COL7A1: variants seen among roughly 807,000 people sequenced by gnomAD.
COL7A1 encodes the protein collagen type VII alpha 1 chain.
COL7A1 carries 296 observed loss-of-function variants against 456.2 expected under a neutral mutation model. The observed-to-expected ratio is 0.65, with a 90% CI of 0.59 to 0.71. The LOEUF (loss-of-function observed/expected upper bound fraction) is 0.71, where lower values mean the gene tolerates loss of function less well. Among genes scored for constraint, COL7A1 ranks in the 30% least tolerant of loss-of-function variants. The probability of loss-of-function intolerance (pLI) is 0.00; values close to 1 mark genes in which losing one functional copy is unlikely to be tolerated. For synonymous variants in COL7A1, 1,464 were observed against 1,525.9 expected, an observed-to-expected ratio of 0.96 and a Z score of 0.95; for missense variants, 3,441 against 4,017.2, an observed-to-expected ratio of 0.86 and a Z score of 3.88.
Position 48,590,140 on chromosome 3 carries a change from T to C in COL7A1, c.2050+73A>G. On this transcript the variant is annotated intron_variant, in intron 16 of 118. Transcript: ENST00000681320. The surrounding 1 kb of genome is among the most constrained non-coding windows in gnomAD (Gnocchi z 4.6). ...CAGGAGTTCTGGGGAGAAGCAAGGGTCTGCAAGGGAAGGCATGGGGGTCTG... is the reference window on the plus strand; with the variant it reads ...CAGGAGTTCTGGGGAGAAGCAAGGGCCTGCAAGGGAAGGCATGGGGGTCTG... 1 of 1,547,038 alleles carries C rather than the reference T, an allele frequency of 6.5e-7. No homozygotes were observed. The highest frequency in any genetic ancestry group is 1.7e-5 in the Admixed American group (1 of 58,428).
rs2107700644 is a variant in COL7A1 at position 48,579,743 on chromosome 3, GC to G, written c.5154+41del. 1 of 1,613,926 alleles carries G rather than the reference GC, an allele frequency of 6.2e-7. No individual in the cohort carries two copies. Among genetic ancestry groups the G allele is most frequent in the East Asian group, 2.2e-5 (1 of 44,868 alleles). ...CCCAAGGTAGAACCTGCTGGGAGGG[GC>G]ACTGGGGTCTTTCTTACCCTCCACC... On this transcript the variant is annotated intron_variant, in intron 58 of 118. Transcript: ENST00000681320. The surrounding 1 kb of genome is among the most constrained non-coding windows in gnomAD (Gnocchi z 4.4).
chr3:48,578,977 T>C lies in COL7A1; in HGVS notation c.5389-23A>G, dbSNP rs1201464574. ...ACCCTGAGGAGAGACTCAAAGTCAG[T>C]TCATCATGGTCATGGGGTCAGGGGC... On this transcript the variant is annotated intron_variant, in intron 62 of 118. Transcript: ENST00000681320. This position sits in a 1 kb window ranked among gnomAD's most constrained non-coding sequence, Gnocchi z 4.7. 1 of 1,613,916 alleles carries C rather than the reference T, an allele frequency of 6.2e-7. No individual in the cohort carries two copies.
At position 48,592,302 on chromosome 3, in the gene COL7A1, G is replaced by A. The variant is rs779060834; in HGVS notation, c.1093+49C>T. On this transcript the variant is annotated intron_variant, in intron 9 of 118. Coordinates refer to ENST00000681320, the MANE Select transcript of COL7A1 (RefSeq NM_000094.4). The surrounding 1 kb of genome is among the most constrained non-coding windows in gnomAD (Gnocchi z 7.6). ...GGCCTTGCAGACTCAGGACTCTACA[G>A]CCTTGTCTGAGGCGCGGGGACTCCC... 14 of 1,613,578 alleles carry A rather than the reference G, an allele frequency of 8.7e-6. No homozygotes were observed. In the South Asian group the frequency reaches 1.1e-4, roughly 13 times the overall value.
In COL7A1 at chr3:48,573,947, A is replaced by G; in HGVS notation, c.6502-57T>C. The G allele has an allele frequency of 6.2e-7, 1 of 1,604,438 alleles. No individual in the cohort carries two copies. The highest frequency in any genetic ancestry group is 8.5e-7 in the Non-Finnish European group (1 of 1,175,446). ...CTGGGCCTCACTTGGGCCTGTTCCC[A>G]ACCTCTGGGGGCTTTTTCCTTGGGG... On this transcript the variant is annotated intron_variant, in intron 80 of 118. Transcript: ENST00000681320. The surrounding 1 kb of genome is among the most constrained non-coding windows in gnomAD (Gnocchi z 5.5).
chr3:48,592,994 G>GCAGGGGTGGGCATGTATGATT lies in COL7A1; in HGVS notation c.683-57_683-56insAATCATACATGCCCACCCCTG. 6.2e-7 allele frequency: 1 copy of GCAGGGGTGGGCATGTATGATT among 1,612,432 alleles called. No homozygotes were observed. On this transcript the variant is annotated intron_variant, in intron 6 of 118. Transcript: ENST00000681320. This position sits in a 1 kb window ranked among gnomAD's most constrained non-coding sequence, Gnocchi z 7.6. The stretch of plus-strand genomic sequence containing the variant: ...GAGGATTGGGGTGGGCATGTATGAT[G>GCAGGGGTGGGCATGTATGATT]CAGAGTTGGGGTCGGGGTCAGGAGC...
In COL7A1 at chr3:48,594,562, G is replaced by A. The variant is rs769163951; in HGVS notation, c.86-14C>T. On this transcript the variant is annotated splice_polypyrimidine_tract_variant and intron_variant, in intron 2 of 118. Coordinates refer to ENST00000681320, the MANE Select transcript of COL7A1 (RefSeq NM_000094.4). This position sits in a 1 kb window ranked among gnomAD's most constrained non-coding sequence, Gnocchi z 5.5. ...GCGTGCAGGTCACTGGGGCGGGCAG[G>A]AGAGATCAGGGCCTCTTCTGGGAGG... 6.4e-7 allele frequency: 1 copy of A among 1,568,122 alleles called. No individual in the cohort carries two copies.
chr3:48,573,896 T>C lies in COL7A1; in HGVS notation c.6502-6A>G, dbSNP rs1575434977. ...CCTCTTGGACCCTGCAGACCCTACA[T>C]AGAGAGGGCACTGATGAGCCTCAAT... On this transcript the variant is annotated splice_polypyrimidine_tract_variant and splice_region_variant and intron_variant, in intron 80 of 118. Transcript: ENST00000681320. The surrounding 1 kb of genome is among the most constrained non-coding windows in gnomAD (Gnocchi z 5.5). 1 of 1,613,204 alleles carries C rather than the reference T, an allele frequency of 6.2e-7. No individual in the cohort carries two copies. The highest frequency in any genetic ancestry group is 8.5e-7 in the Non-Finnish European group (1 of 1,179,932).
In COL7A1 at chr3:48,576,391, G is replaced by A. The variant is rs927732931; in HGVS notation, c.5772+9C>T. The A allele has an allele frequency of 6.2e-7, 1 of 1,613,720 alleles. No individual in the cohort carries two copies. The highest frequency in any genetic ancestry group is 8.5e-7 in the Non-Finnish European group (1 of 1,180,004). On this transcript the variant is annotated intron_variant, in intron 70 of 118. Coordinates refer to ENST00000681320, the MANE Select transcript of COL7A1 (RefSeq NM_000094.4). ...CTACCTGGGCATGTGGAAAAGGTGG[G>A]GGCCTCACCTGCTCCCCTTTGGATC... is the stretch of plus-strand genomic sequence containing the variant.
rs2043650663 is a variant in COL7A1 at position 48,567,298 on chromosome 3, C to T, written c.8047-108G>A. ...GGCCTAATGCCCAAACCTTCTGTAA[C>T]CCAAGCACCTGTGAGCCAACCAGAT... On this transcript the variant is annotated intron_variant, in intron 109 of 118. Coordinates refer to ENST00000681320, the MANE Select transcript of COL7A1 (RefSeq NM_000094.4). This position sits in a 1 kb window ranked among gnomAD's most constrained non-coding sequence, Gnocchi z 4.3. The T allele has an allele frequency of 1.4e-6, 2 of 1,415,500 alleles. No homozygotes were observed. Among genetic ancestry groups the T allele is most frequent in the East Asian group, 2.3e-5 (1 of 43,606 alleles). The allele number at this position is 1,415,500 out of a possible 1,614,324, so 87.7% of individuals were successfully genotyped here. A position where few individuals can be genotyped will look rare whatever the true frequency, so the allele number is the denominator to read the frequency against.
Position 48,585,047 on chromosome 3 carries a change from G to C in COL7A1, c.3964C>G (p.Pro1322Ala), listed in dbSNP as rs2045138139. The C allele has an allele frequency of 6.2e-7, 1 of 1,613,066 alleles. No homozygotes were observed. Among genetic ancestry groups the C allele is most frequent in the East Asian group, 2.2e-5 (1 of 44,868 alleles). The change falls in exon 33 of 119, where the codon CCT becomes GCT. Residue 1322 changes from proline to alanine, a missense_variant. Pro to Ala is a conservative substitution (Grantham distance 27). This residue lies in a region of COL7A1 where 2,084 missense variants were observed against 2,501.3 expected (regional missense o/e 0.83). Transcript: ENST00000681320. This position sits in a 1 kb window ranked among gnomAD's most constrained non-coding sequence, Gnocchi z 4.5. The part of the protein sequence containing the change: ...RAGNPGTPGA[P>A]GLKGSPGLPG... ...CAAGGCTTGCTCACCTTTAGGCCAGGGGCTCCAGGGGTCCCAGGATTCCCG... is the reference window on the plus strand; with the variant it reads ...CAAGGCTTGCTCACCTTTAGGCCAGCGGCTCCAGGGGTCCCAGGATTCCCG...
chr3:48,580,506 G>A lies in COL7A1; in HGVS notation c.5052+75C>T, dbSNP rs2044668914. On this transcript the variant is annotated intron_variant, in intron 55 of 118. Coordinates refer to ENST00000681320, the MANE Select transcript of COL7A1 (RefSeq NM_000094.4). This position sits in a 1 kb window ranked among gnomAD's most constrained non-coding sequence, Gnocchi z 4.5. ...GAGGGTTTAGCATTACAGGGTTGGG[G>A]GGTAGGATCAGGTATTGGGAATTGG... 1 of 1,539,144 alleles carries A rather than the reference G, an allele frequency of 6.5e-7. No individual in the cohort carries two copies. Among genetic ancestry groups the A allele is most frequent in the Non-Finnish European group, 8.9e-7 (1 of 1,118,510 alleles).
At position 48,592,916 on chromosome 3, in the gene COL7A1, T is replaced by C. The variant is rs766659965; in HGVS notation, c.705A>G (p.Pro235=). The C allele has an allele frequency of 1.2e-6, 2 of 1,613,892 alleles. No individual in the cohort carries two copies. Among genetic ancestry groups the C allele is most frequent in the Non-Finnish European group, 8.5e-7 (1 of 1,179,996 alleles). ...TTGGCTCAGACAGCACCAGGTCTCG[T>C]GGAGCAGAGGTCGAGTCATCCGCTG... ...TRPPDDSTSA[P]RDLVLSEPSS... Residue 235 remains proline (P), a synonymous_variant, in exon 7 of 119, where the codon CCA becomes CCG. Coordinates refer to ENST00000681320, the MANE Select transcript of COL7A1 (RefSeq NM_000094.4). The surrounding 1 kb of genome is among the most constrained non-coding windows in gnomAD (Gnocchi z 7.6).
At position 48,571,282 on chromosome 3, in the gene COL7A1, A is replaced by C; in HGVS notation, c.7069-4T>G. 1 of 1,614,170 alleles carries C rather than the reference A, an allele frequency of 6.2e-7. No individual in the cohort carries two copies. The highest frequency in any genetic ancestry group is 8.5e-7 in the Non-Finnish European group (1 of 1,180,030). ...GTCCTGGAGCCCCTTTCTGACCCTA[A>C]GAAAACCCAGCAAACAGCATTTGAG... is the stretch of plus-strand genomic sequence containing the variant. On this transcript the variant is annotated splice_region_variant and splice_polypyrimidine_tract_variant and intron_variant, in intron 92 of 118. Transcript: ENST00000681320. The surrounding 1 kb of genome is among the most constrained non-coding windows in gnomAD (Gnocchi z 4.6).
chr3:48,593,373 AC>A lies in COL7A1; in HGVS notation c.502del (p.Val168SerfsTer16), dbSNP rs1301235105. 1.2e-6 allele frequency: 2 copies of A among 1,613,490 alleles called. No individual in the cohort carries two copies. The highest frequency in any genetic ancestry group is 1.7e-6 in the Non-Finnish European group (2 of 1,179,910). ...GTCCTTACCCACAGCAAATAGCTTG[AC>A]CCCCTGCCCCTTCAGCCTTTGGGCA... is the stretch of plus-strand genomic sequence containing the variant. ...TAAQRLKGQG[V>X]KLFAVGIKNA... On this transcript the variant is annotated frameshift_variant, in exon 5 of 119. Coordinates refer to ENST00000681320, the MANE Select transcript of COL7A1 (RefSeq NM_000094.4). LOFTEE classifies it high-confidence loss of function. The surrounding 1 kb of genome is among the most constrained non-coding windows in gnomAD (Gnocchi z 4.4).
chr3:48,580,714 C>T lies in COL7A1; in HGVS notation c.4981-62G>A. 5 of 1,588,850 alleles carry T rather than the reference C, an allele frequency of 3.1e-6. No homozygotes were observed. The highest frequency in any genetic ancestry group is 4.3e-6 in the Non-Finnish European group (5 of 1,158,738). On this transcript the variant is annotated intron_variant, in intron 54 of 118. Coordinates refer to ENST00000681320, the MANE Select transcript of COL7A1 (RefSeq NM_000094.4). This position sits in a 1 kb window ranked among gnomAD's most constrained non-coding sequence, Gnocchi z 4.5. Reference sequence around the variant, plus strand: ...ATATTTTGCAGGTGCCCCTATGACCCGCTACACTGCCCCAGGTTCCCCATT... The same window carrying T: ...ATATTTTGCAGGTGCCCCTATGACCTGCTACACTGCCCCAGGTTCCCCATT...
rs770572781 is a variant in COL7A1 at position 48,586,261 on chromosome 3, A to G, written c.3551-15T>C. 6.2e-7 allele frequency: 1 copy of G among 1,613,706 alleles called. No individual in the cohort carries two copies. The highest frequency in any genetic ancestry group is 2.2e-5 in the East Asian group (1 of 44,884). On this transcript the variant is annotated splice_polypyrimidine_tract_variant and intron_variant, in intron 27 of 118. Coordinates refer to ENST00000681320, the MANE Select transcript of COL7A1 (RefSeq NM_000094.4). This position sits in a 1 kb window ranked among gnomAD's most constrained non-coding sequence, Gnocchi z 5.1. ...CACATTAAGCCCTAAGGTGGGGTCC[A>G]GTGGCTGCATGATAGCCTTTTCAGG...
In COL7A1 at chr3:48,564,877, G is replaced by A; in HGVS notation, c.8724C>T (p.Val2908=). Residue 2908 remains valine, a synonymous_variant, in exon 118 of 119, where the codon GTC becomes GTT. Coordinates refer to ENST00000681320, the MANE Select transcript of COL7A1 (RefSeq NM_000094.4). This position sits in a 1 kb window ranked among gnomAD's most constrained non-coding sequence, Gnocchi z 6.0. ...TGSTEACHPF[V]YGGCGGNANR... ...TGGCATTCCCTCCACAGCCACCATAGACAAAAGGGTGACAGGCCTCTGTGC... is the reference window on the plus strand; with the variant it reads ...TGGCATTCCCTCCACAGCCACCATAAACAAAAGGGTGACAGGCCTCTGTGC... The A allele has an allele frequency of 6.2e-7, 1 of 1,614,212 alleles. No homozygotes were observed. Among genetic ancestry groups the A allele is most frequent in the Non-Finnish European group, 8.5e-7 (1 of 1,180,034 alleles).
chr3:48,567,154 C>T lies in COL7A1; in HGVS notation c.8083G>A (p.Gly2695Ser). The T allele has an allele frequency of 6.2e-7, 1 of 1,614,054 alleles. No individual in the cohort carries two copies. Residue 2695 changes from glycine (G) to serine (S), a missense_variant, in exon 110 of 119, where the codon GGT (glycine) becomes AGT (serine). This residue lies in a region of COL7A1 where 2,084 missense variants were observed against 2,501.3 expected (regional missense o/e 0.83). Transcript: ENST00000681320. The surrounding 1 kb of genome is among the most constrained non-coding windows in gnomAD (Gnocchi z 4.3). ...RGFDGQPGPKGDQGEKGERGT... is the reference protein window; with the variant it reads ...RGFDGQPGPKSDQGEKGERGT... ...CGCTCCCCTTTCTCGCCCTGGTCAC[C>T]CTTGGGGCCTGGCTGCCCGTCAAAG...
Position 48,578,648 on chromosome 3 carries a change from T to A in COL7A1, c.5425-133A>T, listed in dbSNP as rs570425355. The stretch of plus-strand genomic sequence containing the variant: ...CCAGGACTGAGAGGTCCCATTGAGA[T>A]CCCTCAGGCACAGACCCCATGGATG... On this transcript the variant is annotated intron_variant, in intron 63 of 118. Transcript: ENST00000681320. This position sits in a 1 kb window ranked among gnomAD's most constrained non-coding sequence, Gnocchi z 4.7. The A allele has an allele frequency of 1.0e-4, 113 of 1,095,452 alleles. No individual in the cohort carries two copies. The highest frequency in any genetic ancestry group is 1.4e-4 in the Non-Finnish European group (107 of 741,268). The allele number at this position is 1,095,452 out of a possible 1,614,324, so 67.9% of individuals were successfully genotyped here. A position where few individuals can be genotyped will look rare whatever the true frequency, so the allele number is the denominator to read the frequency against.
Sources: allele counts gnomAD v4.1 joint callset, GRCh38; gene constraint gnomAD v4.1.1; regional missense constraint gnomAD v4.1.1; non-coding constraint Gnocchi (gnomAD v3.1); transcripts MANE v1.5; gene names NCBI Gene and HGNC (gene_info 2026-07-23, HGNC 2026-07-21).